The following ATP8A2 variants were observed in gnomAD, a reference collection of about 807,000 sequenced individuals.
The protein encoded by ATP8A2 is ATPase phospholipid transporting 8A2, also known as phospholipid-transporting ATPase IB.
A neutral mutation model predicts 165.6 loss-of-function variants in ATP8A2; 100 were observed. That is an observed-to-expected ratio of 0.60 (90% CI 0.51 to 0.71). ATP8A2 has a LOEUF of 0.71. ATP8A2 is among the 30% of genes least tolerant of loss of function. ATP8A2 has a pLI of 0.00. For synonymous variants in ATP8A2, 543 were observed against 548.8 expected (o/e 0.99, Z 0.15); for missense variants, 1,227 against 1,479.5 (o/e 0.83, Z 2.80).
intron 27 of ATP8A2, among the ~76,000 whole-genome samples, chr13:25,798,902 C>T (rs974651958): frequency 6.6e-6 from 1 of 151,854 alleles, no homozygotes; most frequent in Admixed American, 6.6e-5. Context: ...CACAGTAATC[C>T]CAGCTACTAG....
intron 23 of ATP8A2, among the ~76,000 whole-genome samples, chr13:25,588,013 G>T (rs2039971143): frequency 6.6e-6 from 1 of 152,054 alleles, no homozygotes. Flanking sequence ...GTGGTATTGT[G>T]ATTTAAAATT....
chr13:25,455,128 T>G (rs1220737397), intron 1 of ATP8A2, among the ~76,000 whole-genome samples: 1 of 152,226 alleles, frequency 6.6e-6, no homozygotes, highest in Non-Finnish European at 1.5e-5. Context: ...ATCCCTTGAT[T>G]ACTGCTTCTC....
chr13:25,637,477 A>G (rs1178608226), intron 24 of ATP8A2, among the ~76,000 whole-genome samples: 1 of 152,222 alleles, frequency 6.6e-6, no homozygotes, highest in African/African-American at 2.4e-5. Context: ...TGCCTGGCTC[A>G]GAGGGTCCCA....
At chr13:25,722,971 G>A (rs2043413524) in intron 25 of ATP8A2, among the ~76,000 whole-genome samples, 1 of 152,154 alleles carries the variant, frequency 6.6e-6, no homozygotes, top group Admixed American at 6.5e-5. Flanking sequence ...TTTGTTCAAG[G>A]TTACTTGAGT....
At chr13:25,942,205 T>C (rs1329947494) in intron 33 of ATP8A2, among the ~76,000 whole-genome samples, 1 of 152,236 alleles carries the variant, frequency 6.6e-6, no homozygotes, top group Non-Finnish European at 1.5e-5. Flanking sequence ...CTCCCATTGA[T>C]AAACATTTGA....
chr13:25,832,065 G>C (rs1352822948), intron 28 of ATP8A2, among the ~76,000 whole-genome samples: 1 of 151,650 alleles, frequency 6.6e-6, no homozygotes, highest in Non-Finnish European at 1.5e-5. Context: ...TCAGCCTCCC[G>C]AGTAGCCAGG....
chr13:25,716,581 T>C (rs1352206868), intron 25 of ATP8A2, among the ~76,000 whole-genome samples: 1 of 152,230 alleles, frequency 6.6e-6, no homozygotes, highest in Non-Finnish European at 1.5e-5. Context: ...GACAGTCTTT[T>C]CCTTTTTGAG....
At chr13:25,401,896 G>C (rs1308557321) in intron 1 of ATP8A2, among the ~76,000 whole-genome samples, 1 of 151,912 alleles carries the variant, frequency 6.6e-6, no homozygotes, top group Non-Finnish European at 1.5e-5. Flanking sequence ...TCACTCTGTC[G>C]CCCAGGCTGG....
At chr13:25,638,021 C>T (rs1370800217) in intron 24 of ATP8A2, among the ~76,000 whole-genome samples, 1 of 152,160 alleles carries the variant, frequency 6.6e-6, no homozygotes, top group Non-Finnish European at 1.5e-5. Flanking sequence ...CTCCAGCAAA[C>T]TCCAACAGAC....
At chr13:25,441,398 A>G (rs773780310) in intron 1 of ATP8A2, among the ~76,000 whole-genome samples, 1 of 152,222 alleles carries the variant, frequency 6.6e-6, no homozygotes, top group Non-Finnish European at 1.5e-5. Flanking sequence ...TTGGAACAAC[A>G]ATGTCACAGA....
chr13:25,754,516 A>T (rs1173919628), intron 25 of ATP8A2, among the ~76,000 whole-genome samples: 1 of 152,034 alleles, frequency 6.6e-6, no homozygotes, highest in Non-Finnish European at 1.5e-5. Flanking sequence ...TTTTCCTTTG[A>T]CTGGAAATTA....
intron 33 of ATP8A2, among the ~76,000 whole-genome samples, chr13:25,912,734 G>C (rs1593548035): frequency 6.6e-6 from 1 of 152,100 alleles, no homozygotes; most frequent in Non-Finnish European, 1.5e-5. Flanking sequence ...ATGCACTACA[G>C]AGTAGTCTTA....
chr13:25,513,615 G>A (rs1420043113), intron 2 of ATP8A2, among the ~76,000 whole-genome samples: 12 of 152,082 alleles, frequency 7.9e-5, no homozygotes, highest in Non-Finnish European at 1.6e-4. Flanking sequence ...CGGCTGGGAG[G>A]TGGAGGTTGT....
chr13:25,474,343 C>T (rs1164294013), intron 2 of ATP8A2, among the ~76,000 whole-genome samples: 6 of 152,112 alleles, frequency 3.9e-5, no homozygotes, highest in African/African-American at 1.2e-4. Context: ...AGGCAGATCA[C>T]GAGGTCAGGA....
At chr13:25,459,985 T>C (rs776057862) in intron 1 of ATP8A2, among the ~76,000 whole-genome samples, 6 of 152,178 alleles carry the variant, frequency 3.9e-5, no homozygotes, top group Non-Finnish European at 8.8e-5. Flanking sequence ...GCGGATCACC[T>C]GAGGTCAGGA....
intron 27 of ATP8A2, among the ~76,000 whole-genome samples, chr13:25,782,694 T>G (rs1466370763): frequency 1.3e-5 from 2 of 152,246 alleles, no homozygotes; most frequent in Non-Finnish European, 2.9e-5. Context: ...CCTAATGCAT[T>G]GTAAATGCTA....
chr13:25,759,639 A>C (rs758769294), intron 25 of ATP8A2, among the ~76,000 whole-genome samples: 7 of 152,202 alleles, frequency 4.6e-5, no homozygotes, highest in Non-Finnish European at 8.8e-5. Flanking sequence ...ACATTAAGGT[A>C]TTTAGATGTG....
At chr13:25,600,163 C>A (rs927601516) in intron 24 of ATP8A2, among the ~76,000 whole-genome samples, 1 of 152,250 alleles carries the variant, frequency 6.6e-6, no homozygotes, top group Non-Finnish European at 1.5e-5. Context: ...CCCAACATCT[C>A]TTCCTGCAAA....
chr13:25,505,894 AT>A lies in ATP8A2; in HGVS notation c.222-24103del, dbSNP rs1278942353. On this transcript the variant is annotated intron_variant, in intron 2 of 36. Transcript: ENST00000381655. Reference sequence around the variant, plus strand: ...ATTCTTTCTTGCTCTAGAATTATAAATTAACTGCAACTTCACAAGACCCGCG... The same window carrying A: ...ATTCTTTCTTGCTCTAGAATTATAAATAACTGCAACTTCACAAGACCCGCG... Among the ~76,000 whole-genome samples, 3 of 152,344 alleles carry A rather than the reference AT, an allele frequency of 2.0e-5. 1 individual carries two copies. Among genetic ancestry groups the A allele is most frequent in the Non-Finnish European group, 1.5e-5 (1 of 68,028 alleles).
Sources: allele counts gnomAD v4.1 joint callset (sites outside exome capture counted in the v4.1 genomes callset), GRCh38; gene constraint gnomAD v4.1.1; transcripts MANE v1.5; gene names NCBI Gene and HGNC (gene_info 2026-07-23, HGNC 2026-07-21).